SFXN5: variants seen among roughly 807,000 people sequenced by gnomAD.
The protein encoded by SFXN5 is sideroflexin-5.
A neutral mutation model predicts 50.2 loss-of-function variants in SFXN5; 43 were observed. The observed-to-expected ratio is 0.86, with a 90% CI of 0.67 to 1.11. The LOEUF (loss-of-function observed/expected upper bound fraction) is 1.11. SFXN5 is among the 50% of genes least tolerant of loss of function. The pLI, the probability that SFXN5 is intolerant of heterozygous loss-of-function variation, is 0.00. For synonymous variants in SFXN5, 203 were observed against 185.8 expected (o/e 1.09, Z -0.75); for missense variants, 463 against 454.1 (o/e 1.02, Z -0.18).
chr2:73,023,404 G>A (rs897645937), intron 3 of SFXN5, among the ~76,000 whole-genome samples, 190 bp from the exon 4 acceptor site: 7 of 152,116 alleles, frequency 4.6e-5, no homozygotes, highest in African/African-American at 1.7e-4. Context: ...GAGAGTAAGG[G>A]CCAGAGAGGT....
intron 10 of SFXN5, among the ~76,000 whole-genome samples, chr2:72,983,264 A>G (rs2105534363): frequency 6.6e-6 from 1 of 152,338 alleles, no homozygotes. Context: ...GTGAATGAAC[A>G]GAAGACCTTC....
intron 10 of SFXN5, among the ~76,000 whole-genome samples, chr2:72,981,997 G>GCA (rs1671365912): frequency 6.8e-6 from 1 of 146,004 alleles, no homozygotes; most frequent in African/African-American, 2.7e-5. Flanking sequence ...GTGTGTGTGT[G>GCA]CGTGCCATTT....
At chr2:73,024,231 T>G (rs1000321226) in intron 3 of SFXN5, among the ~76,000 whole-genome samples, 3 of 152,042 alleles carry the variant, frequency 2.0e-5, no homozygotes, top group Non-Finnish European at 2.9e-5. Flanking sequence ...ACCATGTTGG[T>G]AAGGCTGGTC....
intron 9 of SFXN5, chr2:72,998,218 A>G (rs934371276): frequency 1.3e-5 from 2 of 151,944 alleles, no homozygotes; most frequent in African/African-American, 4.8e-5. Context: ...AGAGACAGCC[A>G]GACGTAGGTA....
chr2:72,969,833 G>C (rs1207226061), intron 11 of SFXN5, among the ~76,000 whole-genome samples: 1 of 152,090 alleles, frequency 6.6e-6, no homozygotes, highest in Non-Finnish European at 1.5e-5. Flanking sequence ...GTGTCTGCAG[G>C]GTTTCCCTCG....
intron 6 of SFXN5, among the ~76,000 whole-genome samples, chr2:73,001,780 A>G (rs1673947545): frequency 6.6e-6 from 1 of 152,204 alleles, no homozygotes; most frequent in South Asian, 2.1e-4. Context: ...TTACAGCATA[A>G]TCTTATTTAT....
At position 73,058,471 on chromosome 2, in the gene SFXN5, T is replaced by G. The variant is rs946448988; in HGVS notation, c.171+57A>C. On this transcript the variant is annotated intron_variant, in intron 2 of 13. Transcript: ENST00000272433. ...CACCCTCCCTTAATGACCCACATAT[T>G]CTGAAATGACAAGGTACAAAGGCCC... 3 of 1,525,800 alleles carry G rather than the reference T, an allele frequency of 2.0e-6. No individual in the cohort carries two copies. The African/African-American group carries it at 4.1e-5, about 21-fold the overall frequency. 94.5% of individuals were successfully genotyped at this position (1,525,800 alleles called of 1,614,324 possible). A position where few individuals can be genotyped will look rare whatever the true frequency, so the allele number is the denominator to read the frequency against.
At chr2:72,980,572 G>T (rs988780810) in intron 10 of SFXN5, among the ~76,000 whole-genome samples, 3 of 152,144 alleles carry the variant, frequency 2.0e-5, no homozygotes, top group Non-Finnish European at 4.4e-5. Flanking sequence ...ATATTGAAGT[G>T]TCACCGACTC....
intron 1 of SFXN5, chr2:73,070,949 G>C (rs1453785312): frequency 3.3e-5 from 5 of 152,372 alleles, no homozygotes; most frequent in Admixed American, 6.5e-5. Flanking sequence ...CCCTGGCTGC[G>C]TCCCCTCAGG....
At chr2:72,989,114 C>T (rs571001182) in intron 9 of SFXN5, among the ~76,000 whole-genome samples, 1 of 152,246 alleles carries the variant, frequency 6.6e-6, no homozygotes, top group Non-Finnish European at 1.5e-5. Flanking sequence ...CCCACAGCAG[C>T]CTTGGCCTCC....
chr2:73,045,883 G>T (rs1680259019), intron 2 of SFXN5, among the ~76,000 whole-genome samples: 1 of 152,116 alleles, frequency 6.6e-6, no homozygotes, highest in South Asian at 2.1e-4. Flanking sequence ...CCATCAGCCA[G>T]AAGCCCACCC....
Position 72,943,279 on chromosome 2 carries a change from C to T in SFXN5, c.*1743G>A, listed in dbSNP as rs1254381007. The T allele has an allele frequency of 1.3e-5, 2 of 152,316 alleles. No individual in the cohort carries two copies. The allele number at this position is 152,316 out of a possible 1,614,324, so 9.4% of individuals were successfully genotyped here. ...GGCCCACCTCAGCACACTTCCCCTA[C>T]CCTAAGATGCCACCCTGCAGCGGCC... On this transcript the variant is annotated 3_prime_UTR_variant, in exon 14 of 14. Coordinates refer to ENST00000272433, the MANE Select transcript of SFXN5 (RefSeq NM_144579.3).
intron 2 of SFXN5, chr2:73,053,416 T>A (rs1681660648): frequency 6.5e-6 from 1 of 154,318 alleles, no homozygotes; most frequent in South Asian, 2.0e-4. Context: ...TTCCCGCTGT[T>A]TTTTTCCTCC....
intron 2 of SFXN5, chr2:73,049,895 T>C (rs1681010642): frequency 6.7e-6 from 1 of 149,860 alleles, no homozygotes; most frequent in Non-Finnish European, 1.5e-5. Flanking sequence ...CCTCCAGCTG[T>C]GAGCCTGTAA....
chr2:73,050,755 T>C (rs1165925085), intron 2 of SFXN5, among the ~76,000 whole-genome samples: 2 of 152,224 alleles, frequency 1.3e-5, no homozygotes, highest in African/African-American at 4.8e-5. Flanking sequence ...ACTAATCTCC[T>C]TATCAAATGG....
intron 3 of SFXN5, among the ~76,000 whole-genome samples, chr2:73,038,629 T>C (rs1679252099): frequency 1.3e-5 from 2 of 152,160 alleles, no homozygotes; most frequent in South Asian, 4.1e-4. Flanking sequence ...ACCTTGCCTC[T>C]TAAAAAAATT....
At chr2:72,962,399 A>G (rs1410910550) in intron 12 of SFXN5, among the ~76,000 whole-genome samples, 1 of 152,280 alleles carries the variant, frequency 6.6e-6, no homozygotes, top group Non-Finnish European at 1.5e-5. Flanking sequence ...GAATCCCAAC[A>G]GCAACTGGCC....
intron 13 of SFXN5, among the ~76,000 whole-genome samples, chr2:72,946,341 T>C (rs186412928): frequency 1.6e-4 from 24 of 152,246 alleles, no homozygotes; most frequent in African/African-American, 5.5e-4. Flanking sequence ...TCCCACTGAC[T>C]TTTCAACCCA....
In SFXN5 at chr2:73,031,210, T is replaced by C. The variant is rs371986790; in HGVS notation, c.250-7996A>G. ...CCTCCTCTGCAATGAGGCTTGTCCA[T>C]GTAGCTGAGACCCACAGTGGCATCT... is the stretch of plus-strand genomic sequence containing the variant. On this transcript the variant is annotated intron_variant, in intron 3 of 13. Coordinates refer to ENST00000272433, the MANE Select transcript of SFXN5 (RefSeq NM_144579.3). 5.3e-5 allele frequency among the ~76,000 whole-genome samples: 8 copies of C among 152,338 alleles called. No individual in the cohort carries two copies. The East Asian group carries it at 1.3e-3, about 26-fold the overall frequency.
Sources: allele counts gnomAD v4.1 joint callset (sites outside exome capture counted in the v4.1 genomes callset), GRCh38; gene constraint gnomAD v4.1.1; transcripts MANE v1.5; gene names NCBI Gene and HGNC (gene_info 2026-07-23, HGNC 2026-07-21).